PCLO: variants seen among roughly 807,000 people sequenced by gnomAD.
PCLO encodes piccolo presynaptic cytomatrix protein, also known as protein piccolo.
A neutral mutation model predicts 427.5 loss-of-function variants in PCLO; 82 were observed. The observed-to-expected ratio is 0.19, with a 90% confidence interval of 0.16 to 0.23. The LOEUF is 0.23. Ranked by LOEUF, PCLO falls within the 10% of genes least tolerant of loss-of-function variation. The pLI, the probability that PCLO is intolerant of heterozygous loss-of-function variation, is 1.00. For synonymous variants in PCLO, 2,357 were observed against 2,155.4 expected, an observed-to-expected ratio of 1.09 and a Z score of -2.59; for missense variants, 6,239 against 6,115.9, an observed-to-expected ratio of 1.02 and a Z score of -0.67.
chr7:83,038,348 T>C (rs531506005), intron 3 of PCLO, among the ~76,000 whole-genome samples: 2 of 151,430 alleles, frequency 1.3e-5, no homozygotes, highest in African/African-American at 4.8e-5. Flanking sequence ...ATAAGCTCCA[T>C]AACGTTTAGT....
intron 2 of PCLO, among the ~76,000 whole-genome samples, chr7:83,153,234 T>C (rs1792183099): frequency 6.6e-6 from 1 of 150,566 alleles, no homozygotes; most frequent in South Asian, 2.1e-4. Context: ...TGTATATATG[T>C]GTATATATAT....
chr7:82,872,034 A>C (rs1363024578), intron 10 of PCLO, among the ~76,000 whole-genome samples: 1 of 152,010 alleles, frequency 6.6e-6, no homozygotes, highest in African/African-American at 2.4e-5. Flanking sequence ...AAAAAAGAAT[A>C]ATATATTTAA....
intron 3 of PCLO, among the ~76,000 whole-genome samples, chr7:83,126,470 A>G (rs565156003): frequency 6.6e-6 from 1 of 152,264 alleles, no homozygotes; most frequent in South Asian, 2.1e-4. Context: ...GTATGCCTAT[A>G]TCAAAATATC....
At chr7:82,774,992 A>G (rs902787988) in intron 22 of PCLO, among the ~76,000 whole-genome samples, 1 of 152,170 alleles carries the variant, frequency 6.6e-6, no homozygotes, top group African/African-American at 2.4e-5. Context: ...GAAACGAAGT[A>G]GATATAGATT....
At chr7:83,010,580 AAAT>A (rs1788053329) in intron 3 of PCLO, among the ~76,000 whole-genome samples, 1 of 150,160 alleles carries the variant, frequency 6.7e-6, no homozygotes, top group South Asian at 2.1e-4. Flanking sequence ...AGTAATTATA[AAAT>A]AATTATATTT....
At chr7:82,943,283 C>G (rs1161598948) in intron 6 of PCLO, among the ~76,000 whole-genome samples, 1 of 152,074 alleles carries the variant, frequency 6.6e-6, no homozygotes, top group African/African-American at 2.4e-5. Context: ...TAAAAACTTT[C>G]TAAAATTGTT....
intron 10 of PCLO, among the ~76,000 whole-genome samples, chr7:82,858,459 T>C (rs1288988192): frequency 1.3e-5 from 2 of 152,008 alleles, no homozygotes; most frequent in Non-Finnish European, 2.9e-5. Context: ...CCCAGAGCAT[T>C]GGGAAAGAAA....
chr7:82,849,902 C>T (rs1027855491), intron 10 of PCLO, among the ~76,000 whole-genome samples: 2 of 151,982 alleles, frequency 1.3e-5, no homozygotes, highest in Admixed American at 6.6e-5. Flanking sequence ...TATAAGTAAA[C>T]ATTTATATTT....
At chr7:82,883,692 T>C (rs1793563180) in intron 9 of PCLO, among the ~76,000 whole-genome samples, 2 of 152,200 alleles carry the variant, frequency 1.3e-5, no homozygotes, top group Non-Finnish European at 2.9e-5. Context: ...CTTATTCCTA[T>C]TAGCTTTTTC....
intron 3 of PCLO, among the ~76,000 whole-genome samples, chr7:83,043,912 C>CTTTTT (rs869061778): frequency 5.4e-4 from 51 of 94,902 alleles, no homozygotes; most frequent in East Asian, 2.1e-3. Flanking sequence ...CTATTATTTT[C>CTTTTT]TTTTTTTTTT....
intron 2 of PCLO, among the ~76,000 whole-genome samples, chr7:83,148,660 T>C (rs1186922051): frequency 1.3e-5 from 2 of 152,204 alleles, no homozygotes; most frequent in Non-Finnish European, 2.9e-5. Context: ...AATATCTTCT[T>C]ACATATCTCT....
intron 3 of PCLO, among the ~76,000 whole-genome samples, chr7:82,979,303 T>C (rs1246592183): frequency 6.6e-6 from 1 of 152,176 alleles, no homozygotes; most frequent in Non-Finnish European, 1.5e-5. Flanking sequence ...AAAATTATAT[T>C]GAATATTCTG....
At chr7:82,861,168 T>C (rs549189592) in intron 10 of PCLO, among the ~76,000 whole-genome samples, 134 of 152,082 alleles carry the variant, frequency 8.8e-4, no homozygotes, top group African/African-American at 3.0e-3. Context: ...AGTGGCTGAA[T>C]GGGTGAATAA....
At chr7:83,081,458 T>A (rs1790098329) in intron 3 of PCLO, among the ~76,000 whole-genome samples, 1 of 151,846 alleles carries the variant, frequency 6.6e-6, no homozygotes, top group Admixed American at 6.6e-5. Context: ...ATAATCTGAA[T>A]GAAAATGGAA....
At chr7:83,067,726 T>G (rs1200420601) in intron 3 of PCLO, among the ~76,000 whole-genome samples, 1 of 152,228 alleles carries the variant, frequency 6.6e-6, no homozygotes, top group Non-Finnish European at 1.5e-5. Context: ...TGTTTTGTTA[T>G]ATTTTCATTT....
intron 4 of PCLO, among the ~76,000 whole-genome samples, chr7:82,960,615 C>G (rs1795635465): frequency 6.6e-6 from 1 of 151,888 alleles, no homozygotes; most frequent in Non-Finnish European, 1.5e-5. Flanking sequence ...AAATATTAAA[C>G]TAAAAATTTA....
Position 83,156,310 on chromosome 7 carries a change from T to C in PCLO, c.331A>G (p.Ser111Gly), listed in dbSNP as rs749316644. ...DPGRPAQPGL[S>G]KSRTTDTFRS... The stretch of plus-strand genomic sequence containing the variant: ...AAAGTGTCTGTAGTTCTACTTTTAC[T>C]GAGACCAGGTTGAGCTGGACGCCCA... The change falls in exon 2 of 25, where the codon AGT becomes GGT. Residue 111 changes from serine (S) to glycine (G), a missense_variant. Ser to Gly is a moderately conservative substitution (Grantham distance 56). Coordinates refer to ENST00000333891, the MANE Select transcript of PCLO (RefSeq NM_033026.6). 4 of 1,613,330 alleles carry C rather than the reference T, an allele frequency of 2.5e-6. No individual in the cohort carries two copies. The highest frequency in any genetic ancestry group is 3.3e-5 in the Admixed American group (2 of 59,982).
chr7:82,797,361 T>G (rs542103219), intron 22 of PCLO, among the ~76,000 whole-genome samples: 1 of 152,250 alleles, frequency 6.6e-6, no homozygotes, highest in Non-Finnish European at 1.5e-5. Flanking sequence ...AAAAAATAAC[T>G]ATTAAATACA....
chr7:83,123,752 C>T (rs538639749), intron 3 of PCLO, among the ~76,000 whole-genome samples: 18 of 152,028 alleles, frequency 1.2e-4, no homozygotes, highest in Non-Finnish European at 2.2e-4. Context: ...AGAATATACA[C>T]AGAGCTGAAA....
Sources: gnomAD v4.1 joint callset for allele counts (sites outside exome capture counted in the v4.1 genomes callset) on GRCh38, gnomAD v4.1.1 for gene constraint, MANE v1.5 for transcripts, NCBI Gene and HGNC (gene_info 2026-07-23, HGNC 2026-07-21) for gene names.